Variants in HIVEP1 observed in about 807,000 individuals in gnomAD.
HIVEP1 encodes zinc finger protein 40.
Under a neutral mutation model 180.0 loss-of-function variants are expected in HIVEP1, and 36 were observed. That is an observed-to-expected ratio of 0.20 (90% CI 0.15 to 0.26). The LOEUF is 0.26. Among genes scored for constraint, HIVEP1 ranks in the 10% least tolerant of loss-of-function variants. HIVEP1 has a pLI of 1.00. For missense variants in HIVEP1, 3,143 were observed against 3,268.7 expected, an observed-to-expected ratio of 0.96 and a Z score of 0.94; for synonymous variants, 1,239 against 1,239.0, an observed-to-expected ratio of 1.00 and a Z score of 0.00.
rs150083679 is a variant in HIVEP1, at chr6:12,122,807, C to T, written c.3012C>T (p.Gly1004=). ...AACCTGAGCACAGCCCTGTGCCCGG[C>T]GGTCTGCAGCCTCAGATTCTACACT... is the stretch of plus-strand genomic sequence containing the variant. The part of the protein sequence containing the change: ...MREPEHSPVP[G]GLQPQILHYR... The change falls in exon 4 of 9, where the codon GGC becomes GGT. Residue 1004 remains glycine (G), a synonymous_variant. Transcript: ENST00000379388. The T allele has an allele frequency of 3.2e-4, 510 of 1,613,496 alleles. 5 individuals are homozygous for T. In the East Asian group the frequency reaches 9.2e-3, roughly 29 times the overall value.
intron 3 of HIVEP1, among the ~76,000 whole-genome samples, chr6:12,107,949 G>T (rs542278783): frequency 4.3e-4 from 66 of 152,300 alleles, no homozygotes; most frequent in African/African-American, 1.5e-3. Flanking sequence ...TAGATACAGA[G>T]TGTGGACACA....
At chr6:12,195,018 G>T in the HIVEP1 span, among the ~76,000 whole-genome samples, 1 of 152,216 alleles carries the variant, frequency 6.6e-6, no homozygotes, top group Non-Finnish European at 1.5e-5. Context: ...AAAGAGGAAT[G>T]ATCTTCAAAC....
intron 1 of HIVEP1, among the ~76,000 whole-genome samples, chr6:12,013,137 C>T (rs1561851031): frequency 6.6e-6 from 1 of 152,114 alleles, no homozygotes; most frequent in East Asian, 1.9e-4. Context: ...GCCGCGCTCG[C>T]CTCATCTCGT....
At chr6:12,211,981 A>C in the HIVEP1 span, among the ~76,000 whole-genome samples, 3 of 152,222 alleles carry the variant, frequency 2.0e-5, no homozygotes, top group Non-Finnish European at 4.4e-5. Context: ...TGTTGGGAGA[A>C]CAATAAGAGT....
intron 3 of HIVEP1, among the ~76,000 whole-genome samples, chr6:12,110,264 ATTAGCCC>A (rs955406716): frequency 6.6e-6 from 1 of 152,262 alleles, no homozygotes; most frequent in African/African-American, 2.4e-5. Flanking sequence ...CACCAGCTGT[ATTAGCCC>A]TTAGCAAGAG....
At chr6:12,035,253 G>A (rs9470808) in intron 2 of HIVEP1, among the ~76,000 whole-genome samples, 22,513 of 152,170 alleles carry the variant, frequency 0.15, 1,729 homozygotes, top group Admixed American at 0.19. Flanking sequence ...ATCTTTCTAA[G>A]TGTATCCTGA....
At chr6:12,081,595 G>A (rs1202362580) in intron 2 of HIVEP1, among the ~76,000 whole-genome samples, 3 of 151,990 alleles carry the variant, frequency 2.0e-5, no homozygotes, top group African/African-American at 7.2e-5. Flanking sequence ...GACTCTTGAT[G>A]CCCTGCTCTG....
chr6:12,198,288 G>A, the HIVEP1 span, among the ~76,000 whole-genome samples: 1 of 152,302 alleles, frequency 6.6e-6, no homozygotes, highest in Non-Finnish European at 1.5e-5. Flanking sequence ...ACAGCATAGA[G>A]AACTAAGAAT....
At chr6:12,014,366 C>T (rs1430124980) in intron 1 of HIVEP1, among the ~76,000 whole-genome samples, 1 of 152,162 alleles carries the variant, frequency 6.6e-6, no homozygotes. Flanking sequence ...GGACAAGTTA[C>T]TTATCCAATT....
the HIVEP1 span, among the ~76,000 whole-genome samples, chr6:12,207,975 C>T: frequency 3.6e-4 from 54 of 151,476 alleles, no homozygotes; most frequent in Admixed American, 8.5e-4. Flanking sequence ...TTGAATTCAG[C>T]TGTGTCACTC....
In HIVEP1 at chr6:12,123,369, C is replaced by T; in HGVS notation, c.3574C>T (p.His1192Tyr). 6.2e-7 allele frequency: 1 copy of T among 1,614,180 alleles called. No individual in the cohort carries two copies. Residue 1192 changes from histidine to tyrosine, a missense_variant, in exon 4 of 9, where the codon CAT (histidine) becomes TAT (tyrosine). Physicochemically the swap from His to Tyr is moderately conservative, Grantham distance 83. This residue lies in a region of HIVEP1 where 1,357 missense variants were observed against 1,260.5 expected (regional missense o/e 1.08). Transcript: ENST00000379388. ...EESHPSRDGSHPHQLALSDAL... is the reference protein window; with the variant it reads ...EESHPSRDGSYPHQLALSDAL... ...AAGTCACCCTTCTCGGGACGGGTCTCATCCTCACCAGCTTGCACTATCAGA... is the reference window on the plus strand; with the variant it reads ...AAGTCACCCTTCTCGGGACGGGTCTTATCCTCACCAGCTTGCACTATCAGA...
At chr6:12,029,035 C>G (rs1455898935) in intron 2 of HIVEP1, among the ~76,000 whole-genome samples, 1 of 152,122 alleles carries the variant, frequency 6.6e-6, no homozygotes, top group Non-Finnish European at 1.5e-5. Context: ...ATCTTCCTTA[C>G]CTTTTATCGC....
intron 4 of HIVEP1, among the ~76,000 whole-genome samples, chr6:12,126,720 C>G (rs1758094829): frequency 6.6e-6 from 1 of 152,058 alleles, no homozygotes; most frequent in Non-Finnish European, 1.5e-5. Flanking sequence ...GAATTATGAA[C>G]AATTCTAAAG....
At chr6:12,168,383 T>TA (rs1562025096), downstream of HIVEP1, among the ~76,000 whole-genome samples, 81 of 111,252 alleles carry the variant, frequency 7.3e-4, 3 homozygotes, top group East Asian at 0.025. Flanking sequence ...CATGTATATA[T>TA]GTATATATAT....
At position 12,125,071 on chromosome 6, in the gene HIVEP1, A is replaced by C. The variant is rs1418003175; in HGVS notation, c.5276A>C (p.Glu1759Ala). The change falls in exon 4 of 9, where the codon GAA (glutamate) becomes GCA (alanine). Residue 1759 changes from glutamate to alanine, a missense_variant. Transcript: ENST00000379388. ...GCAAATAGTTTAGACATTGCCATGG[A>C]AAAGCACCAGAAGCGGGCCAAAGAT... Reference protein sequence around the residue: ...SPANSLDIAMEKHQKRAKDEN... With the variant: ...SPANSLDIAMAKHQKRAKDEN... 6.2e-7 allele frequency: 1 copy of C among 1,614,082 alleles called. No individual in the cohort carries two copies. Among genetic ancestry groups the C allele is most frequent in the South Asian group, 1.1e-5 (1 of 91,016 alleles).
chr6:12,154,139 A>ATAAC (rs1759874917), intron 7 of HIVEP1, among the ~76,000 whole-genome samples: 1 of 152,192 alleles, frequency 6.6e-6, no homozygotes, highest in African/African-American at 2.4e-5. Context: ...ATCCATACTG[A>ATAAC]TAACTTCCAG....
the HIVEP1 span, among the ~76,000 whole-genome samples, chr6:12,184,431 T>C: frequency 6.6e-5 from 10 of 152,338 alleles, 1 homozygote; most frequent in African/African-American, 2.4e-4. Context: ...CAAACTTCTC[T>C]TCATTCCACT....
At position 12,063,571 on chromosome 6, in the gene HIVEP1, G is replaced by A. The variant is rs1414115562; in HGVS notation, c.41-25613G>A. ...AGGGCAGGAGCAGATGCCATGCAGA[G>A]GACTGCAAAGAGGCAGAGGCAGATG... On this transcript the variant is annotated intron_variant, in intron 2 of 8. Transcript: ENST00000379388. This position sits in a 1 kb window ranked among gnomAD's most constrained non-coding sequence, Gnocchi z 4.2. 2.0e-5 allele frequency among the ~76,000 whole-genome samples: 3 copies of A among 152,186 alleles called. No individual in the cohort carries two copies. The highest frequency in any genetic ancestry group is 3.9e-4 in the East Asian group (2 of 5,194).
intron 2 of HIVEP1, chr6:12,037,740 G>A (rs1411512119): frequency 2.4e-6 from 1 of 422,890 alleles, no homozygotes; most frequent in Non-Finnish European, 4.2e-6. Context: ...TTGCTCTTTT[G>A]CTCAGGCTGG....
Sources: gnomAD v4.1 joint callset for allele counts (sites outside exome capture counted in the v4.1 genomes callset) on GRCh38, gnomAD v4.1.1 for gene constraint, gnomAD v4.1.1 regional missense constraint, Gnocchi (gnomAD v3.1) non-coding constraint, MANE v1.5 for transcripts, NCBI Gene and HGNC (gene_info 2026-07-23, HGNC 2026-07-21) for gene names.